MEAK7: variants seen among roughly 807,000 people sequenced by gnomAD.
MEAK7 encodes MTOR-associated protein MEAK7.
MEAK7 carries 68 observed loss-of-function variants against 40.5 expected under a neutral mutation model. The observed-to-expected ratio is 1.68, with a 90% CI of 1.38 to 2.06. The LOEUF is 2.06. MEAK7 is among the 30% of genes most tolerant of loss of function. The pLI, the probability that MEAK7 is intolerant of heterozygous loss-of-function variation, is 0.00. For missense variants in MEAK7, 918 were observed against 580.5 expected (o/e 1.58, Z -5.98); for synonymous variants, 338 against 231.9 (o/e 1.46, Z -4.16).
At chr16:84,481,626 G>T (rs939145929) in intron 6 of MEAK7, among the ~76,000 whole-genome samples, 1 of 152,160 alleles carries the variant, frequency 6.6e-6, no homozygotes, top group Non-Finnish European at 1.5e-5. Context: ...AACAGGGCTG[G>T]ATTTTCCCAA....
chr16:84,501,745 G>A (rs908045950), intron 1 of MEAK7, among the ~76,000 whole-genome samples: 5 of 152,252 alleles, frequency 3.3e-5, no homozygotes, highest in East Asian at 1.9e-4. Context: ...ACACAGCGCT[G>A]TCCACAGCAC....
rs923622469 is a variant in MEAK7 at position 84,478,732 on chromosome 16, T to G, written c.*1181A>C. On this transcript the variant is annotated 3_prime_UTR_variant, in exon 8 of 8. Coordinates refer to ENST00000343629, the MANE Select transcript of MEAK7 (RefSeq NM_020947.4). ...GAGCTTGTTTAAAGTCAGTCTACACTGCTGAATTTCCCATCATCCCCCTCG... is the reference window on the plus strand; with the variant it reads ...GAGCTTGTTTAAAGTCAGTCTACACGGCTGAATTTCCCATCATCCCCCTCG... 6.6e-6 allele frequency: 1 copy of G among 152,232 alleles called. No individual in the cohort carries two copies. Among genetic ancestry groups the G allele is most frequent in the Non-Finnish European group, 1.5e-5 (1 of 68,066 alleles). The allele number at this position is 152,232 out of a possible 1,614,324, so 9.4% of individuals were successfully genotyped here.
At chr16:84,482,824 C>T (rs1052657990) in intron 5 of MEAK7, 114 bp from the exon 6 acceptor site, 14 of 1,484,386 alleles carry the variant, frequency 9.4e-6, no homozygotes, top group Middle Eastern at 1.8e-4. Context: ...ACCCTTCTCA[C>T]CCATGTCCAG....
intron 3 of MEAK7, among the ~76,000 whole-genome samples, chr16:84,495,260 C>G (rs1223823849): frequency 6.6e-6 from 1 of 152,190 alleles, no homozygotes; most frequent in African/African-American, 2.4e-5. Context: ...CAGATCAAGA[C>G]TCCATTTCAA....
chr16:84,479,360 C>T lies in MEAK7; in HGVS notation c.*553G>A, dbSNP rs1912294943. On this transcript the variant is annotated 3_prime_UTR_variant, in exon 8 of 8. Coordinates refer to ENST00000343629, the MANE Select transcript of MEAK7 (RefSeq NM_020947.4). ...TGAACCCCAGCGGGAGGAACCCCCT[C>T]CTCAATAGAGAAGTTGAGATCCCAG... 1 of 152,234 alleles carries T rather than the reference C, an allele frequency of 6.6e-6. No individual in the cohort carries two copies. The highest frequency in any genetic ancestry group is 2.1e-4 in the South Asian group (1 of 4,826). The allele number at this position is 152,234 out of a possible 1,614,324, so 9.4% of individuals were successfully genotyped here.
chr16:84,493,724 G>A (rs1434101163), intron 3 of MEAK7, among the ~76,000 whole-genome samples: 1 of 152,146 alleles, frequency 6.6e-6, no homozygotes, highest in African/African-American at 2.4e-5. Flanking sequence ...ATAAGAATCT[G>A]TTTTCTTTTA....
At chr16:84,485,921 A>C (rs1195025698) in intron 5 of MEAK7, 1 of 152,132 alleles carries the variant, frequency 6.6e-6, no homozygotes, top group Non-Finnish European at 1.5e-5. Context: ...ACCTCAAGTG[A>C]TCCACCTGCC....
In MEAK7 at chr16:84,479,980, G is replaced by T; in HGVS notation, c.1304C>A (p.Ala435Asp). ...SILDADPEAQ[A>D]LLEISGHSRH... Reference sequence around the variant, plus strand: ...CGAATGCCCACTGATCTCCAGCAGGGCCTGGGCCTCAGGGTCCGCATCCAG... The same window carrying T: ...CGAATGCCCACTGATCTCCAGCAGGTCCTGGGCCTCAGGGTCCGCATCCAG... Residue 435 changes from alanine (A) to aspartate (D), a missense_variant, in exon 8 of 8, where the codon GCC becomes GAC. Coordinates refer to ENST00000343629, the MANE Select transcript of MEAK7 (RefSeq NM_020947.4). 6.2e-7 allele frequency: 1 copy of T among 1,609,396 alleles called. No individual in the cohort carries two copies. Among genetic ancestry groups the T allele is most frequent in the South Asian group, 1.1e-5 (1 of 90,556 alleles).
intron 5 of MEAK7, among the ~76,000 whole-genome samples, chr16:84,483,513 G>A (rs973993167): frequency 6.6e-6 from 1 of 152,238 alleles, no homozygotes; most frequent in East Asian, 1.9e-4. Flanking sequence ...GGAATTTGGG[G>A]TTGGGCTATT....
At chr16:84,502,000 C>T (rs554168656) in intron 1 of MEAK7, among the ~76,000 whole-genome samples, 2 of 152,144 alleles carry the variant, frequency 1.3e-5, no homozygotes, top group East Asian at 3.9e-4. Flanking sequence ...CAAAATTAAC[C>T]GGGTGTGGTG....
At position 84,482,601 on chromosome 16, in the gene MEAK7, C is replaced by T. The variant is rs114062156; in HGVS notation, c.1068G>A (p.Pro356=). The change falls in exon 6 of 8, where the codon CCG becomes CCA. Residue 356 remains proline, a synonymous_variant. Transcript: ENST00000343629. ...MYLNHGQQTI[P]NGLGMGGQHN... ...CTCTGCCCGGGCTCACCAGTCCGTT[C>T]GGGATCGTCTGCTGTCCATGGTTCA... The T allele has an allele frequency of 8.9e-4, 1,441 of 1,614,162 alleles. 12 individuals carry two copies. The African/African-American group carries it at 0.017, about 19-fold the overall frequency.
At chr16:84,497,236 C>T (rs758298793) in intron 2 of MEAK7, 78 of 368,288 alleles carry the variant, frequency 2.1e-4, no homozygotes, top group Non-Finnish European at 2.9e-4. Flanking sequence ...GATGAGCTGA[C>T]GGCATCTCCT....
At chr16:84,484,130 G>A (rs754273709) in intron 5 of MEAK7, among the ~76,000 whole-genome samples, 1 of 152,214 alleles carries the variant, frequency 6.6e-6, no homozygotes, top group Non-Finnish European at 1.5e-5. Context: ...CAAGGTCGCA[G>A]GGCCACAGAG....
In MEAK7 at chr16:84,486,984, C is replaced by A. The variant is rs1321231021; in HGVS notation, c.605G>T (p.Arg202Met). The A allele has an allele frequency of 8.1e-6, 13 of 1,614,050 alleles. No individual in the cohort carries two copies. The highest frequency in any genetic ancestry group is 1.3e-5 in the African/African-American group (1 of 74,910). ...DRAVIEDWVF[R>M]VPHVAIFLSV... is the part of the protein sequence containing the mutation. The stretch of plus-strand genomic sequence containing the variant: ...CAGGAATATGGCCACATGGGGGACC[C>A]TGAACACCCAGTCCTCGATCACAGC... Residue 202 changes from arginine to methionine, a missense_variant, in exon 5 of 8, where the codon AGG becomes ATG. By Grantham distance (91) the Arg-to-Met change is moderately conservative. Coordinates refer to ENST00000343629, the MANE Select transcript of MEAK7 (RefSeq NM_020947.4).
intron 1 of MEAK7, chr16:84,504,050 G>A: frequency 1.0e-6 from 1 of 985,542 alleles, no homozygotes; most frequent in Non-Finnish European, 1.2e-6. Context: ...GTGCGAAGGG[G>A]CAGCTTGAGC....
intron 1 of MEAK7, among the ~76,000 whole-genome samples, chr16:84,501,305 G>A (rs1355876297): frequency 6.6e-6 from 1 of 151,840 alleles, no homozygotes; most frequent in African/African-American, 2.4e-5. Context: ...TGGGATCAGC[G>A]AGGCAAGGGT....
intron 5 of MEAK7, 136 bp downstream of exon 5, chr16:84,486,495 T>A: frequency 7.0e-7 from 1 of 1,438,764 alleles, no homozygotes; most frequent in Non-Finnish European, 9.1e-7. Context: ...CACATTTTCC[T>A]ATCGCCCCGA....
At position 84,480,023 on chromosome 16, in the gene MEAK7, T is replaced by A. The variant is rs768401775; in HGVS notation, c.1261A>T (p.Lys421Ter). Residue 421 changes from lysine to a stop codon, truncating the protein, a stop_gained, in exon 8 of 8, where the codon AAG becomes TAG. Coordinates refer to ENST00000343629, the MANE Select transcript of MEAK7 (RefSeq NM_020947.4). LOFTEE classifies it low-confidence loss of function (END_TRUNC). Reference sequence around the variant, plus strand: ...GCATCCAGGATGCTCTTGTTGCCCTTGGCCTTGAGAAGAGAAGAAAGGGTG... The same window carrying A: ...GCATCCAGGATGCTCTTGTTGCCCTAGGCCTTGAGAAGAGAAGAAAGGGTG... ...VGDPSEEQLA[K>*]GNKSILDADP... 10 of 1,595,722 alleles carry A rather than the reference T, an allele frequency of 6.3e-6. No homozygotes were observed. The Admixed American group carries it at 1.7e-4, about 27-fold the overall frequency.
chr16:84,476,477 G>T lies in MEAK7; in HGVS notation c.*3436C>A, dbSNP rs1295509558. 6.6e-6 allele frequency: 1 copy of T among 151,924 alleles called. No individual in the cohort carries two copies. The highest frequency in any genetic ancestry group is 1.5e-5 in the Non-Finnish European group (1 of 68,010). 9.4% of individuals were successfully genotyped at this position (151,924 alleles called of 1,614,324 possible). A position where few individuals can be genotyped will look rare whatever the true frequency, so the allele number is the denominator to read the frequency against. ...TAATTCATCTATATCTAAATAAAAGGCATATACCTCTCAATCCAACAATTC... is the reference window on the plus strand; with the variant it reads ...TAATTCATCTATATCTAAATAAAAGTCATATACCTCTCAATCCAACAATTC... On this transcript the variant is annotated 3_prime_UTR_variant, in exon 8 of 8. Coordinates refer to ENST00000343629, the MANE Select transcript of MEAK7 (RefSeq NM_020947.4).
Sources: allele counts gnomAD v4.1 joint callset (sites outside exome capture counted in the v4.1 genomes callset), GRCh38; gene constraint gnomAD v4.1.1; transcripts MANE v1.5; gene names NCBI Gene and HGNC (gene_info 2026-07-23, HGNC 2026-07-21).